The following RNLS variants were observed in gnomAD, a reference collection of about 807,000 sequenced individuals.
RNLS encodes the protein renalase.
RNLS carries 39 observed loss-of-function variants against 39.8 expected under a neutral mutation model. The ratio of observed to expected loss-of-function variants is 0.98; its 90% CI spans 0.76 to 1.28. The LOEUF is 1.28. RNLS is among the 50% of genes most tolerant of loss of function. The pLI is 0.00. For missense variants in RNLS, 410 were observed against 413.3 expected (o/e 0.99, Z 0.07); for synonymous variants, 147 against 150.7 (o/e 0.98, Z 0.18).
At chr10:88,550,726 A>G (rs1774820437) in intron 4 of RNLS, among the ~76,000 whole-genome samples, 1 of 152,192 alleles carries the variant, frequency 6.6e-6, no homozygotes, top group South Asian at 2.1e-4. Context: ...ACATTTTCTG[A>G]TATCTACATC....
intron 4 of RNLS, chr10:88,545,473 C>G: frequency 2.2e-6 from 1 of 456,132 alleles, no homozygotes; most frequent in Non-Finnish European, 4.4e-6. Flanking sequence ...GCAGGCAAGA[C>G]AGCATATGTA....
At chr10:88,246,383 A>G in the RNLS span, among the ~76,000 whole-genome samples, 1 of 152,162 alleles carries the variant, frequency 6.6e-6, no homozygotes, top group Admixed American at 6.5e-5. Context: ...CCAGTTTGCC[A>G]GCTTAGAGCC....
the RNLS span, among the ~76,000 whole-genome samples, chr10:88,223,476 C>T: frequency 6.6e-6 from 1 of 152,110 alleles, no homozygotes. Flanking sequence ...GTATAAAGGA[C>T]AGTACTGGAT....
the RNLS span, among the ~76,000 whole-genome samples, chr10:88,224,038 A>C: frequency 3.1e-5 from 1 of 32,236 alleles, no homozygotes; most frequent in Non-Finnish European, 6.1e-5. Flanking sequence ...GAGCACTCAG[A>C]AAAAAAAAAA....
exon 7 of RNLS, chr10:88,274,871 TA>T: frequency 1.0e-6 from 1 of 960,928 alleles, no homozygotes; most frequent in Non-Finnish European, 1.6e-6. Context: ...GTTTTGCTTC[TA>T]AATAATAGCT....
chr10:88,447,708 C>A (rs1201859540), intron 4 of RNLS, among the ~76,000 whole-genome samples: 1 of 152,130 alleles, frequency 6.6e-6, no homozygotes, highest in Non-Finnish European at 1.5e-5. Flanking sequence ...CAAGTCAATC[C>A]TAAGCCAAAG....
chr10:88,365,817 C>G (rs999025550), intron 4 of RNLS, among the ~76,000 whole-genome samples: 54 of 151,936 alleles, frequency 3.6e-4, no homozygotes, highest in Admixed American at 5.9e-4. Context: ...GAGAGAGGAA[C>G]AGAAGACCTG....
chr10:88,225,005 T>C, the RNLS span, among the ~76,000 whole-genome samples: 3 of 152,222 alleles, frequency 2.0e-5, no homozygotes, highest in African/African-American at 7.2e-5. Context: ...AATCCAATGA[T>C]TAAATTGCTA....
chr10:88,400,856 A>G (rs1852869086), intron 4 of RNLS, among the ~76,000 whole-genome samples: 1 of 151,864 alleles, frequency 6.6e-6, no homozygotes, highest in Admixed American at 6.6e-5. Context: ...TGTGACCTAG[A>G]TTTGTTTAGA....
At chr10:88,283,098 A>G (rs1477977089), downstream of RNLS, among the ~76,000 whole-genome samples, 1 of 152,124 alleles carries the variant, frequency 6.6e-6, no homozygotes, top group Non-Finnish European at 1.5e-5. Flanking sequence ...GGAGTTTGAT[A>G]TCTTAGCCTT....
chr10:88,569,076 A>G (rs1849679619), intron 4 of RNLS, among the ~76,000 whole-genome samples: 1 of 152,218 alleles, frequency 6.6e-6, no homozygotes, highest in Non-Finnish European at 1.5e-5. Context: ...CAGGGTGAAC[A>G]TTCTGCACCC....
At chr10:88,408,562 G>A (rs1320613712) in intron 4 of RNLS, among the ~76,000 whole-genome samples, 2 of 152,010 alleles carry the variant, frequency 1.3e-5, no homozygotes, top group Non-Finnish European at 2.9e-5. Flanking sequence ...GTAAGCCACT[G>A]CACCCGGCCA....
rs1222618985 is a variant in RNLS at position 88,581,632 on chromosome 10, CCTT to C, written c.299_301del (p.Glu100del). 8.7e-6 allele frequency: 14 copies of C among 1,607,876 alleles called. No homozygotes were observed. Among genetic ancestry groups the C allele is most frequent in the Middle Eastern group, 3.3e-4 (2 of 6,040 alleles). On this transcript the variant is annotated inframe_deletion, in exon 3 of 7. Coordinates refer to ENST00000331772, the MANE Select transcript of RNLS (RefSeq NM_001031709.3). The stretch of plus-strand genomic sequence containing the variant: ...TTGAGGTGCCACAAAGTTACAGTCT[CCTT>C]CTTTCATCACCATTCCTTCAATAGG...
the RNLS span, among the ~76,000 whole-genome samples, chr10:88,177,062 G>C: frequency 6.6e-6 from 1 of 152,114 alleles, no homozygotes; most frequent in East Asian, 1.9e-4. Flanking sequence ...TCTCAGAGAG[G>C]TCCTTTGTGG....
chr10:88,201,991 A>G, the RNLS span, among the ~76,000 whole-genome samples: 7 of 152,270 alleles, frequency 4.6e-5, no homozygotes, highest in East Asian at 1.3e-3. Context: ...ATAAAGACAC[A>G]TGCACACGTA....
chr10:88,231,942 C>CTGTGTGTGTG, the RNLS span, among the ~76,000 whole-genome samples: 6,642 of 149,740 alleles, frequency 0.044, 191 homozygotes, highest in Non-Finnish European at 0.063. Flanking sequence ...CACAGGATTT[C>CTGTGTGTGTG]TGTGTGTGTG....
chr10:88,453,790 C>G (rs942525573), intron 4 of RNLS, among the ~76,000 whole-genome samples: 8 of 152,198 alleles, frequency 5.3e-5, no homozygotes, highest in African/African-American at 1.7e-4. Context: ...CTGGTTTGAT[C>G]TGAGTTTTCT....
chr10:88,540,074 T>C (rs766389242), intron 4 of RNLS, among the ~76,000 whole-genome samples: 33 of 152,252 alleles, frequency 2.2e-4, no homozygotes, highest in Non-Finnish European at 3.5e-4. Context: ...TCGAAATGTA[T>C]GTATTTTCTA....
the RNLS span, among the ~76,000 whole-genome samples, chr10:88,187,145 A>AAT: frequency 7.1e-5 from 10 of 141,060 alleles, no homozygotes; most frequent in Non-Finnish European, 1.1e-4. Flanking sequence ...CTGCTCAAAA[A>AAT]ATATATATAT....
Sources: allele counts gnomAD v4.1 joint callset (sites outside exome capture counted in the v4.1 genomes callset), GRCh38; gene constraint gnomAD v4.1.1; transcripts MANE v1.5; gene names NCBI Gene and HGNC (gene_info 2026-07-23, HGNC 2026-07-21).